The following KCNB2 variants were observed in gnomAD, a reference collection of about 807,000 sequenced individuals.
KCNB2 encodes delayed rectifier potassium channel protein.
A neutral mutation model predicts 61.5 loss-of-function variants in KCNB2; 15 were observed. That is an observed-to-expected ratio of 0.24 (90% CI 0.16 to 0.38). KCNB2 has a LOEUF of 0.38. KCNB2 is among the 10% of genes least tolerant of loss of function. KCNB2 has a pLI of 1.00. For synonymous variants in KCNB2, 457 were observed against 446.0 expected (o/e 1.02, Z -0.31); for missense variants, 828 against 1,125.2 (o/e 0.74, Z 3.78).
At chr8:72,673,930 A>G (rs950341725) in intron 2 of KCNB2, among the ~76,000 whole-genome samples, 8 of 152,218 alleles carry the variant, frequency 5.3e-5, no homozygotes, top group Admixed American at 4.6e-4. Flanking sequence ...CCTAAAAATT[A>G]TTTAAATGGT....
intron 2 of KCNB2, among the ~76,000 whole-genome samples, chr8:72,662,069 G>A (rs6985096): frequency 0.014 from 2,131 of 152,262 alleles, 54 homozygotes; most frequent in African/African-American, 0.049. Flanking sequence ...CCAGCATCCA[G>A]TTCTTCATCC....
At chr8:72,748,369 C>A (rs1000374617) in intron 2 of KCNB2, among the ~76,000 whole-genome samples, 6 of 152,208 alleles carry the variant, frequency 3.9e-5, no homozygotes, top group South Asian at 2.1e-4. Context: ...ACCTCCCAAC[C>A]TTTCTCTGTT....
At chr8:72,924,668 A>G (rs1341377821) in intron 2 of KCNB2, among the ~76,000 whole-genome samples, 2 of 152,220 alleles carry the variant, frequency 1.3e-5, no homozygotes, top group South Asian at 2.1e-4. Flanking sequence ...TCTCTGCCCA[A>G]TAAACACCTC....
intron 2 of KCNB2, among the ~76,000 whole-genome samples, chr8:72,706,235 A>G (rs572766171): frequency 6.6e-6 from 1 of 152,214 alleles, no homozygotes; most frequent in Non-Finnish European, 1.5e-5. Flanking sequence ...AAACTCAGCC[A>G]AAGTCCAGAG....
At chr8:72,914,548 G>A (rs1050201917) in intron 2 of KCNB2, among the ~76,000 whole-genome samples, 7 of 152,142 alleles carry the variant, frequency 4.6e-5, no homozygotes, top group African/African-American at 1.7e-4. Context: ...TAGGTTCCAT[G>A]TAGAATTTGG....
intron 1 of KCNB2, among the ~76,000 whole-genome samples, chr8:72,540,098 G>A (rs191605801): frequency 2.8e-4 from 43 of 152,246 alleles, no homozygotes; most frequent in East Asian, 1.9e-4. Context: ...TCTTGAATGC[G>A]TATCTGGCAT....
At chr8:72,735,589 CT>C (rs2128993909) in intron 2 of KCNB2, among the ~76,000 whole-genome samples, 1 of 152,272 alleles carries the variant, frequency 6.6e-6, no homozygotes, top group African/African-American at 2.4e-5. Context: ...CTCATTCCTA[CT>C]TCATCAAGGC....
chr8:72,851,849 C>G (rs917426481), intron 2 of KCNB2, among the ~76,000 whole-genome samples: 2 of 18,170 alleles, frequency 1.1e-4, no homozygotes, highest in South Asian at 2.1e-3. Flanking sequence ...AAAAAAAAAA[C>G]ACGTACTGCT....
intron 2 of KCNB2, among the ~76,000 whole-genome samples, chr8:72,887,554 A>G (rs780288486): frequency 2.6e-5 from 4 of 152,170 alleles, no homozygotes; most frequent in Non-Finnish European, 5.9e-5. Flanking sequence ...ACCAAAAGCC[A>G]CTGTGTAAAC....
At chr8:72,792,969 C>G (rs755065556) in intron 2 of KCNB2, among the ~76,000 whole-genome samples, 3 of 152,172 alleles carry the variant, frequency 2.0e-5, no homozygotes, top group Non-Finnish European at 2.9e-5. Context: ...AACAATAACA[C>G]CCTTTCCCTC....
At chr8:72,724,884 G>T (rs1438572650) in intron 2 of KCNB2, among the ~76,000 whole-genome samples, 1 of 152,062 alleles carries the variant, frequency 6.6e-6, no homozygotes, top group African/African-American at 2.4e-5. Context: ...GAAGTCACAG[G>T]TTGTCATTCT....
intron 2 of KCNB2, among the ~76,000 whole-genome samples, chr8:72,749,579 T>C (rs1808147990): frequency 6.6e-6 from 1 of 151,506 alleles, no homozygotes. Flanking sequence ...TAAATATAAA[T>C]ACTTATAAGC....
intron 2 of KCNB2, among the ~76,000 whole-genome samples, chr8:72,911,005 C>T (rs1330715855): frequency 6.6e-6 from 1 of 152,188 alleles, no homozygotes; most frequent in Non-Finnish European, 1.5e-5. Flanking sequence ...GAGGAGACTT[C>T]TTGAATACAC....
chr8:72,709,230 C>T (rs1807284278), intron 2 of KCNB2, among the ~76,000 whole-genome samples: 1 of 152,016 alleles, frequency 6.6e-6, no homozygotes, highest in South Asian at 2.1e-4. Flanking sequence ...GAAAAATCTC[C>T]CTAAGCTGTC....
rs576511475 is a variant in KCNB2, at chr8:72,916,857, T to C, written c.580-19078T>C. ...AGTTGTCCCTCTGAAGTCAAGCTGC[T>C]TCTCTCCAGTGTCCAACCTTAGTCT... On this transcript the variant is annotated intron_variant, in intron 2 of 2. Coordinates refer to ENST00000523207, the MANE Select transcript of KCNB2 (RefSeq NM_004770.3). Among the ~76,000 whole-genome samples the C allele has an allele frequency of 2.0e-5, 3 of 152,330 alleles. No individual in the cohort carries two copies. The South Asian group carries it at 6.2e-4, about 32-fold the overall frequency.
chr8:72,588,986 G>C (rs1807045990), intron 2 of KCNB2, among the ~76,000 whole-genome samples: 1 of 152,144 alleles, frequency 6.6e-6, no homozygotes, highest in South Asian at 2.1e-4. Context: ...TGAACTCATA[G>C]TCTGATACCA....
At chr8:72,656,287 C>A (rs893948499) in intron 2 of KCNB2, among the ~76,000 whole-genome samples, 25 of 152,126 alleles carry the variant, frequency 1.6e-4, no homozygotes, top group Non-Finnish European at 3.7e-4. Context: ...GGACAAGTGT[C>A]TTAAAGACAA....
At chr8:72,704,319 G>A (rs1454075020) in intron 2 of KCNB2, among the ~76,000 whole-genome samples, 6 of 152,250 alleles carry the variant, frequency 3.9e-5, no homozygotes, top group African/African-American at 1.4e-4. Flanking sequence ...TTAATGAGTT[G>A]TGTTAGTGTC....
intron 2 of KCNB2, among the ~76,000 whole-genome samples, chr8:72,583,268 A>G (rs1248181273): frequency 6.6e-6 from 1 of 152,184 alleles, no homozygotes; most frequent in Admixed American, 6.5e-5. Flanking sequence ...TTTCAATTTA[A>G]TAATTCATAA....
Sources: gnomAD v4.1 joint callset for allele counts (sites outside exome capture counted in the v4.1 genomes callset) on GRCh38, gnomAD v4.1.1 for gene constraint, MANE v1.5 for transcripts, NCBI Gene and HGNC (gene_info 2026-07-23, HGNC 2026-07-21) for gene names.